PLEKHG6: variants seen among roughly 807,000 people sequenced by gnomAD.
The protein encoded by PLEKHG6 is pleckstrin homology domain-containing family G member 6.
In PLEKHG6, 91 loss-of-function variants were observed where a neutral mutation model predicts 97.5. The observed-to-expected ratio is 0.93, with a 90% CI of 0.79 to 1.11. The LOEUF is 1.11. Ranked by LOEUF, PLEKHG6 falls within the 50% of genes most tolerant of loss-of-function variation. The pLI is 0.00. For synonymous variants in PLEKHG6, 466 were observed against 425.5 expected, an observed-to-expected ratio of 1.10 and a Z score of -1.17; for missense variants, 1,044 against 1,031.0, an observed-to-expected ratio of 1.01 and a Z score of -0.17.
intron 7 of PLEKHG6, among the ~76,000 whole-genome samples, 198 bp from the exon 8 acceptor site, chr12:6,317,105 C>G (rs1490594881): frequency 6.6e-6 from 1 of 152,210 alleles, no homozygotes; most frequent in Non-Finnish European, 1.5e-5. Context: ...GGACCTCAGG[C>G]TCCTTCGTGG....
rs2136734247 is a variant in PLEKHG6, at chr12:6,315,671, C to T, written c.555+22C>T. The T allele has an allele frequency of 6.1e-6, 9 of 1,475,872 alleles. No homozygotes were observed. The highest frequency in any genetic ancestry group is 4.8e-5 in the South Asian group (4 of 82,562). The allele number at this position is 1,475,872 out of a possible 1,614,324, so 91.4% of individuals were successfully genotyped here. A position where few individuals can be genotyped will look rare whatever the true frequency, so the allele number is the denominator to read the frequency against. On this transcript the variant is annotated intron_variant, in intron 5 of 15. Transcript: ENST00000684764. The surrounding 1 kb of genome is among the most constrained non-coding windows in gnomAD (Gnocchi z 4.5). ...TGATGTGAGCCCCCCTCAGCCCCAG[C>T]CCCGGCCCCATCTTCCCTGCATGAG...
At position 6,311,261 on chromosome 12, in the gene PLEKHG6, G is replaced by C. The variant is rs555972153; in HGVS notation, c.-69+413G>C. ...TTAGGGGGGAGGGATGGAGCCCCAC[G>C]CCTGGCCCCCAGCTCCATGGTGGTA... On this transcript the variant is annotated intron_variant, in intron 1 of 15. Transcript: ENST00000684764. Among the ~76,000 whole-genome samples the C allele has an allele frequency of 1.5e-3, 232 of 152,272 alleles. 2 individuals carry two copies. Among genetic ancestry groups the C allele is most frequent in the African/African-American group, 4.8e-3 (199 of 41,566 alleles).
rs746570884 is a variant in PLEKHG6 at position 6,317,875 on chromosome 12, T to C, written c.1036T>C (p.Phe346Leu). 1.9e-6 allele frequency: 3 copies of C among 1,555,156 alleles called. No homozygotes were observed. The highest frequency in any genetic ancestry group is 1.7e-6 in the Non-Finnish European group (2 of 1,148,734). Residue 346 changes from phenylalanine to leucine, a missense_variant, in exon 10 of 16, where the codon TTC becomes CTC. Phe to Leu is a conservative substitution (Grantham distance 22). Coordinates refer to ENST00000684764, the MANE Select transcript of PLEKHG6 (RefSeq NM_001384598.1). Reference protein sequence around the residue: ...LNAMIEAVESFLRHINGQVRQ... With the variant: ...LNAMIEAVESLLRHINGQVRQ... ...CACCTAGATTGAAGCCGTGGAGTCA[T>C]TCCTGCGACACATCAATGGGCAGGT... is the stretch of plus-strand genomic sequence containing the variant.
chr12:6,326,489 T>C lies in PLEKHG6; in HGVS notation c.1586T>C (p.Leu529Pro), dbSNP rs1379592267. The C allele has an allele frequency of 6.2e-7, 1 of 1,609,892 alleles. No individual in the cohort carries two copies. ...CAACAGAAGAGGGAGCTCCTGACCC[T>C]CTATCGGGACCAGGACAGGGAGTCC... ...YVQQKRELLTLYRDQDRESPS... is the reference protein window; with the variant it reads ...YVQQKRELLTPYRDQDRESPS... The change falls in exon 14 of 16, where the codon CTC becomes CCC. Residue 529 changes from leucine to proline, a missense_variant. By Grantham distance (98) the Leu-to-Pro change is moderately conservative. Coordinates refer to ENST00000684764, the MANE Select transcript of PLEKHG6 (RefSeq NM_001384598.1).
rs745585705 is a variant in PLEKHG6, at chr12:6,315,209, G to A, written c.459+40G>A. The A allele has an allele frequency of 2.6e-5, 41 of 1,574,054 alleles. No homozygotes were observed. Among genetic ancestry groups the A allele is most frequent in the East Asian group, 1.4e-4 (6 of 44,380 alleles). On this transcript the variant is annotated intron_variant, in intron 4 of 15. Coordinates refer to ENST00000684764, the MANE Select transcript of PLEKHG6 (RefSeq NM_001384598.1). The surrounding 1 kb of genome is among the most constrained non-coding windows in gnomAD (Gnocchi z 4.5). Reference sequence around the variant, plus strand: ...CACAAGGTGAGTCTGTCCCCACGGCGTGAATGCACACACAGATTCTGCTCT... The same window carrying A: ...CACAAGGTGAGTCTGTCCCCACGGCATGAATGCACACACAGATTCTGCTCT...
chr12:6,315,851 T>C lies in PLEKHG6; in HGVS notation c.556-18T>C. 2.6e-6 allele frequency: 4 copies of C among 1,552,782 alleles called. No individual in the cohort carries two copies. The highest frequency in any genetic ancestry group is 2.6e-6 in the Non-Finnish European group (3 of 1,147,602). On this transcript the variant is annotated intron_variant, in intron 5 of 15. Transcript: ENST00000684764. This position sits in a 1 kb window ranked among gnomAD's most constrained non-coding sequence, Gnocchi z 4.5. ...AGGGCTGCGCTGGGTCCTGAGACCC[T>C]CGTCTCCCTCCCTGCAGCTGCTAGC...
Position 6,318,286 on chromosome 12 carries a change from C to G in PLEKHG6, c.1156-15C>G, listed in dbSNP as rs1947560656. Reference sequence around the variant, plus strand: ...ACTGCCGAGCGCCCTGACCCCTCCCCTCTGTGTCCCTCAGAACCTGCGCCC... The same window carrying G: ...ACTGCCGAGCGCCCTGACCCCTCCCGTCTGTGTCCCTCAGAACCTGCGCCC... On this transcript the variant is annotated splice_polypyrimidine_tract_variant and intron_variant, in intron 10 of 15. Transcript: ENST00000684764. 1 of 1,613,790 alleles carries G rather than the reference C, an allele frequency of 6.2e-7. No homozygotes were observed. The highest frequency in any genetic ancestry group is 8.5e-7 in the Non-Finnish European group (1 of 1,179,996).
rs768229619 is a variant in PLEKHG6 at position 6,326,444 on chromosome 12, T to G, written c.1541T>G (p.Leu514Arg). The change falls in exon 14 of 16, where the codon CTG (leucine) becomes CGG (arginine). Residue 514 changes from leucine (L) to arginine (R), a missense_variant. By Grantham distance (102) the Leu-to-Arg change is moderately radical (BLOSUM62 -2). Coordinates refer to ENST00000684764, the MANE Select transcript of PLEKHG6 (RefSeq NM_001384598.1). ...TQQAQAALQK[L>R]KAEEYVQQKR... ...CTGTCCCAGGCCGCCCTACAGAAGC[T>G]GAAGGCAGAGGAGTATGTTCAACAG... 6.2e-7 allele frequency: 1 copy of G among 1,613,780 alleles called. No individual in the cohort carries two copies. The highest frequency in any genetic ancestry group is 8.5e-7 in the Non-Finnish European group (1 of 1,179,820).
At position 6,318,853 on chromosome 12, in the gene PLEKHG6, G is replaced by C. The variant is rs145462189; in HGVS notation, c.1384G>C (p.Val462Leu). Residue 462 changes from valine (V) to leucine (L), a missense_variant, in exon 12 of 16, where the codon GTG becomes CTG. Physicochemically the swap from Val to Leu is conservative, Grantham distance 32 (BLOSUM62 1). Transcript: ENST00000684764. Reference protein sequence around the residue: ...IRPPLMLEKLVCQPLRDPNSF... With the variant: ...IRPPLMLEKLLCQPLRDPNSF... The stretch of plus-strand genomic sequence containing the variant: ...ACCCCCTCTCATGCTGGAGAAGCTC[G>C]TGTGCCAACCCCTGCGAGACCCCAG... 5 of 1,614,118 alleles carry C rather than the reference G, an allele frequency of 3.1e-6. No individual in the cohort carries two copies. In the African/African-American group the frequency reaches 5.3e-5, roughly 17 times the overall value.
In PLEKHG6 at chr12:6,327,479, T is replaced by TGGGGG; in HGVS notation, c.1896_1897insGGGGG (p.Pro633GlyfsTer24). On this transcript the variant is annotated frameshift_variant, in exon 15 of 16. Coordinates refer to ENST00000684764, the MANE Select transcript of PLEKHG6 (RefSeq NM_001384598.1). LOFTEE classifies it high-confidence loss of function. ...TGGAACTCCGGGACATCCCTCTGCG[T>TGGGGG]CCCCACCCTCCCGACCCCCAAGCTC... 30 of 1,602,880 alleles carry TGGGGG rather than the reference T, an allele frequency of 1.9e-5. No individual in the cohort carries two copies. The highest frequency in any genetic ancestry group is 4.0e-5 in the African/African-American group (3 of 74,586).
At chr12:6,312,564 T>C in intron 2 of PLEKHG6, 200 bp downstream of exon 2, 8 of 1,206,806 alleles carry the variant, frequency 6.6e-6, no homozygotes, top group Non-Finnish European at 8.6e-6. Flanking sequence ...TCCCAGCAGC[T>C]GGGCAGGAGA....
chr12:6,317,260 T>C, intron 7 of PLEKHG6, 43 bp from the exon 8 acceptor site: 1 of 1,299,244 alleles, frequency 7.7e-7, no homozygotes, highest in East Asian at 2.3e-5. Context: ...TTCATGGCCT[T>C]CTCCCCATGC....
chr12:6,318,376 C>T lies in PLEKHG6; in HGVS notation c.1231C>T (p.Leu411=), dbSNP rs140425257. The T allele has an allele frequency of 7.9e-5, 128 of 1,612,960 alleles. No homozygotes were observed. In the African/African-American group the frequency reaches 1.5e-3, roughly 19 times the overall value. The change falls in exon 11 of 16, where the codon CTG becomes TTG. Residue 411 remains leucine (L), a synonymous_variant. Transcript: ENST00000684764. ...GVASEHTRQL[L]LEGPVRVKEG... Reference sequence around the variant, plus strand: ...TGCATCTGAGCACACCAGACAGCTGCTGCTGGAGGGGCCTGTGCGAGTGAA... The same window carrying T: ...TGCATCTGAGCACACCAGACAGCTGTTGCTGGAGGGGCCTGTGCGAGTGAA...
Position 6,315,418 on chromosome 12 carries a change from T to A in PLEKHG6, c.460-136T>A. On this transcript the variant is annotated intron_variant, in intron 4 of 15. Coordinates refer to ENST00000684764, the MANE Select transcript of PLEKHG6 (RefSeq NM_001384598.1). This position sits in a 1 kb window ranked among gnomAD's most constrained non-coding sequence, Gnocchi z 4.5. ...TAATACCACCTACACATCAGAGCAC[T>A]GGTTTGAGGATTAAAAGGTCATGGT... 1 of 679,722 alleles carries A rather than the reference T, an allele frequency of 1.5e-6. No individual in the cohort carries two copies. Among genetic ancestry groups the A allele is most frequent in the Non-Finnish European group, 2.5e-6 (1 of 394,318 alleles). The allele number at this position is 679,722 out of a possible 1,614,324, so 42.1% of individuals were successfully genotyped here.
rs992794921 is a variant in PLEKHG6 at position 6,316,115 on chromosome 12, T to G, written c.607-140T>G. 2.1e-6 allele frequency: 2 copies of G among 939,014 alleles called. No homozygotes were observed. The highest frequency in any genetic ancestry group is 3.1e-6 in the Non-Finnish European group (2 of 638,636). 58.2% of individuals were successfully genotyped at this position (939,014 alleles called of 1,614,324 possible). ...ATTTCTCAGACTGACATCCTTGAGA[T>G]CTTCCAGGCCCAGTGCCCAGTTCAT... On this transcript the variant is annotated intron_variant, in intron 6 of 15. Coordinates refer to ENST00000684764, the MANE Select transcript of PLEKHG6 (RefSeq NM_001384598.1). This position sits in a 1 kb window ranked among gnomAD's most constrained non-coding sequence, Gnocchi z 4.1.
chr12:6,323,268 C>T (rs116620374), intron 13 of PLEKHG6, among the ~76,000 whole-genome samples: 2,449 of 152,336 alleles, frequency 0.016, 52 homozygotes, highest in African/African-American at 0.047. Flanking sequence ...GCTCCCTGGC[C>T]TTCCTTAGCA....
intron 10 of PLEKHG6, 147 bp from the exon 11 acceptor site, chr12:6,318,153 CA>C: frequency 7.1e-7 from 1 of 1,399,494 alleles, no homozygotes; most frequent in Non-Finnish European, 9.8e-7. Flanking sequence ...GTCAGAAGAG[CA>C]AAAAGGAGGC....
Position 6,326,476 on chromosome 12 carries a change from G to T in PLEKHG6, c.1573G>T (p.Glu525Ter). The T allele has an allele frequency of 6.2e-7, 1 of 1,613,266 alleles. No homozygotes were observed. The highest frequency in any genetic ancestry group is 8.5e-7 in the Non-Finnish European group (1 of 1,179,668). Residue 525 changes from glutamate (E) to a stop codon, truncating the protein, a stop_gained, in exon 14 of 16, where the codon GAG (glutamate) becomes TAG (stop). Transcript: ENST00000684764. LOFTEE classifies it high-confidence loss of function. ...KAEEYVQQKR[E>*]LLTLYRDQDR... ...AGAGGAGTATGTTCAACAGAAGAGGGAGCTCCTGACCCTCTATCGGGACCA... is the reference window on the plus strand; with the variant it reads ...AGAGGAGTATGTTCAACAGAAGAGGTAGCTCCTGACCCTCTATCGGGACCA...
At chr12:6,311,624 T>C (rs1341236970) in intron 1 of PLEKHG6, among the ~76,000 whole-genome samples, 1 of 152,182 alleles carries the variant, frequency 6.6e-6, no homozygotes, top group Non-Finnish European at 1.5e-5. Flanking sequence ...TATTGGTGGC[T>C]TTTTTGCAGG....
Sources: gnomAD v4.1 joint callset for allele counts (sites outside exome capture counted in the v4.1 genomes callset) on GRCh38, gnomAD v4.1.1 for gene constraint, Gnocchi (gnomAD v3.1) non-coding constraint, MANE v1.5 for transcripts, NCBI Gene and HGNC (gene_info 2026-07-23, HGNC 2026-07-21) for gene names.